CCDC148: variants seen among roughly 807,000 people sequenced by gnomAD.
CCDC148 encodes coiled-coil domain containing 148.
In CCDC148, 89 loss-of-function variants were observed where a neutral mutation model predicts 85.7. The ratio of observed to expected loss-of-function variants is 1.04; its 90% CI spans 0.87 to 1.24. The LOEUF is 1.24. CCDC148 is among the 50% of genes most tolerant of loss of function. The pLI is 0.00. For synonymous variants in CCDC148, 230 were observed against 213.9 expected, an observed-to-expected ratio of 1.08 and a Z score of -0.66; for missense variants, 692 against 671.7, an observed-to-expected ratio of 1.03 and a Z score of -0.33.
At chr2:158,285,014 G>A (rs188657906) in intron 9 of CCDC148, among the ~76,000 whole-genome samples, 35 of 152,264 alleles carry the variant, frequency 2.3e-4, no homozygotes, top group East Asian at 1.7e-3. Context: ...TAGGCTGGGC[G>A]TGGTGGCTCA....
intron 1 of CCDC148, among the ~76,000 whole-genome samples, chr2:158,399,609 G>A (rs1271518249): frequency 1.3e-5 from 2 of 152,008 alleles, no homozygotes; most frequent in South Asian, 2.1e-4. Context: ...AATAAACTAG[G>A]TATTGATGGA....
At chr2:158,173,781 T>C (rs1393480741) in intron 13 of CCDC148, among the ~76,000 whole-genome samples, 1 of 152,086 alleles carries the variant, frequency 6.6e-6, no homozygotes, top group Non-Finnish European at 1.5e-5. Context: ...TGGTCTGCTC[T>C]CATGTGCTCC....
At chr2:158,227,256 C>G (rs74495905) in intron 10 of CCDC148, among the ~76,000 whole-genome samples, 100,004 of 146,252 alleles carry the variant, frequency 0.68, 35,498 homozygotes, top group East Asian at 0.91. Context: ...CAAGGGACGT[C>G]AAGGACCTCT....
chr2:158,397,946 C>CAAA (rs1453533792), intron 1 of CCDC148, among the ~76,000 whole-genome samples: 3 of 151,384 alleles, frequency 2.0e-5, no homozygotes, highest in African/African-American at 7.3e-5. Context: ...ATCCACCAAA[C>CAAA]AAACAAACAA....
chr2:158,380,664 G>C (rs1032359640), intron 1 of CCDC148, among the ~76,000 whole-genome samples: 1 of 152,196 alleles, frequency 6.6e-6, no homozygotes, highest in African/African-American at 2.4e-5. Context: ...GGATAGCCAA[G>C]AGAATCTTGA....
At chr2:158,222,466 CTCTT>C (rs1305504372) in intron 10 of CCDC148, among the ~76,000 whole-genome samples, 2 of 151,766 alleles carry the variant, frequency 1.3e-5, no homozygotes, top group Non-Finnish European at 2.9e-5. Flanking sequence ...CTCCCTCTCT[CTCTT>C]TCTCTCTCTC....
chr2:158,184,544 T>C (rs530792194), intron 11 of CCDC148, among the ~76,000 whole-genome samples: 3 of 152,296 alleles, frequency 2.0e-5, no homozygotes, highest in South Asian at 4.1e-4. Flanking sequence ...TTGTTCTTAA[T>C]AGTTTTTGAA....
chr2:158,317,922 A>T (rs1158582526), intron 7 of CCDC148, among the ~76,000 whole-genome samples: 1 of 152,196 alleles, frequency 6.6e-6, no homozygotes, highest in Non-Finnish European at 1.5e-5. Context: ...AAAGCAGAAC[A>T]GTGTTAGGGG....
intron 1 of CCDC148, among the ~76,000 whole-genome samples, chr2:158,423,149 C>T (rs998759913): frequency 6.6e-6 from 1 of 152,082 alleles, no homozygotes; most frequent in Admixed American, 6.5e-5. Context: ...AAAATGGCCA[C>T]ACTGCCCAAA....
Position 158,322,657 on chromosome 2 carries a change from A to G in CCDC148, c.765-8763T>C, listed in dbSNP as rs1185087912. 2.0e-5 allele frequency among the ~76,000 whole-genome samples: 3 copies of G among 152,086 alleles called. No individual in the cohort carries two copies. In the East Asian group the frequency reaches 5.8e-4, roughly 29 times the overall value. Reference sequence around the variant, plus strand: ...AAAAGGAAAAGCTCATAGAGCACTAAATAGTTATCTTAAAAATTACTAATG... The same window carrying G: ...AAAAGGAAAAGCTCATAGAGCACTAGATAGTTATCTTAAAAATTACTAATG... On this transcript the variant is annotated intron_variant, in intron 7 of 13. Transcript: ENST00000283233.
chr2:158,279,970 T>C (rs1574534015), intron 9 of CCDC148, among the ~76,000 whole-genome samples: 1 of 151,606 alleles, frequency 6.6e-6, no homozygotes, highest in South Asian at 2.1e-4. Context: ...GGGGCCAATA[T>C]TCAACATTCT....
intron 9 of CCDC148, among the ~76,000 whole-genome samples, chr2:158,290,280 C>T (rs1188179186): frequency 6.6e-6 from 1 of 152,174 alleles, no homozygotes; most frequent in East Asian, 1.9e-4. Flanking sequence ...ACTCAGGACA[C>T]ATTGTCAGTA....
intron 9 of CCDC148, among the ~76,000 whole-genome samples, chr2:158,279,062 G>A (rs979852493): frequency 2.0e-5 from 3 of 152,212 alleles, no homozygotes; most frequent in Admixed American, 1.3e-4. Flanking sequence ...ACCTGCACCT[G>A]AGGGTCCTGT....
chr2:158,434,058 G>C (rs7565708), intron 1 of CCDC148, among the ~76,000 whole-genome samples: 1 of 152,122 alleles, frequency 6.6e-6, no homozygotes, highest in Non-Finnish European at 1.5e-5. Flanking sequence ...GCCTATCTGA[G>C]CAAAAGGCAG....
intron 9 of CCDC148, among the ~76,000 whole-genome samples, chr2:158,309,220 T>C (rs959774047): frequency 2.0e-5 from 3 of 152,266 alleles, no homozygotes; most frequent in African/African-American, 2.4e-5. Context: ...CATCCTGTTA[T>C]AGTAACTTTT....
chr2:158,438,880 C>T (rs1687797963), intron 1 of CCDC148, among the ~76,000 whole-genome samples: 1 of 152,254 alleles, frequency 6.6e-6, no homozygotes, highest in South Asian at 2.1e-4. Flanking sequence ...AAAAAATGCT[C>T]ATCATCACTG....
At chr2:158,321,501 G>T (rs1414796095) in intron 7 of CCDC148, among the ~76,000 whole-genome samples, 2 of 152,138 alleles carry the variant, frequency 1.3e-5, no homozygotes, top group Admixed American at 6.5e-5. Flanking sequence ...GACTGGACAT[G>T]CCCAGGCACT....
intron 1 of CCDC148, among the ~76,000 whole-genome samples, chr2:158,455,471 A>C (rs749100206): frequency 1.3e-5 from 2 of 152,168 alleles, no homozygotes; most frequent in Non-Finnish European, 2.9e-5. Context: ...TAAGATAAAA[A>C]CCAGTAGCAA....
At chr2:158,225,140 G>A (rs572781484) in intron 10 of CCDC148, among the ~76,000 whole-genome samples, 6 of 152,230 alleles carry the variant, frequency 3.9e-5, no homozygotes, top group African/African-American at 9.6e-5. Context: ...CAAAAAACAG[G>A]CAGGGGTTGC....
Sources: allele counts gnomAD v4.1 joint callset (sites outside exome capture counted in the v4.1 genomes callset), GRCh38; gene constraint gnomAD v4.1.1; transcripts MANE v1.5; gene names NCBI Gene and HGNC (gene_info 2026-07-23, HGNC 2026-07-21).